Variants in EPHA8 observed in about 807,000 individuals in gnomAD.
The protein encoded by EPHA8 is ephrin type-A receptor 8.
Under a neutral mutation model 103.6 loss-of-function variants are expected in EPHA8, and 58 were observed. That is an observed-to-expected ratio of 0.56 (90% confidence interval 0.45 to 0.70). The LOEUF (loss-of-function observed/expected upper bound fraction) is 0.70. Among genes scored for constraint, EPHA8 ranks in the 30% least tolerant of loss-of-function variants. The probability of loss-of-function intolerance (pLI) is 0.00; values close to 1 mark genes in which losing one functional copy is unlikely to be tolerated. For missense variants in EPHA8, 1,304 were observed against 1,395.2 expected, an observed-to-expected ratio of 0.93 and a Z score of 1.04; for synonymous variants, 559 against 572.5, an observed-to-expected ratio of 0.98 and a Z score of 0.34.
rs147939357 is a variant in EPHA8 at position 22,601,341 on chromosome 1, G to T, written c.2771G>T (p.Arg924Leu). ...PAFVRSCFDL[R>L]GGSGGGGGLT... ...TTCGTCCGGAGCTGCTTTGACCTCC[G>T]AGGGGGCAGCGGTGGCGGTGGGGGC... Residue 924 changes from arginine to leucine, a missense_variant, in exon 16 of 17, where the codon CGA becomes CTA. Coordinates refer to ENST00000166244, the MANE Select transcript of EPHA8 (RefSeq NM_020526.5). 2 of 1,607,430 alleles carry T rather than the reference G, an allele frequency of 1.2e-6. No homozygotes were observed. Among genetic ancestry groups the T allele is most frequent in the Non-Finnish European group, 1.7e-6 (2 of 1,178,382 alleles).
At position 22,569,888 on chromosome 1, in the gene EPHA8, G is replaced by A. The variant is rs371681800; in HGVS notation, c.159+535G>A. Among the ~76,000 whole-genome samples the A allele has an allele frequency of 8.5e-5, 13 of 152,268 alleles. No homozygotes were observed. Among genetic ancestry groups the A allele is most frequent in the African/African-American group, 3.1e-4 (13 of 41,558 alleles). On this transcript the variant is annotated intron_variant, in intron 2 of 16. Transcript: ENST00000166244. The surrounding 1 kb of genome is among the most constrained non-coding windows in gnomAD (Gnocchi z 4.5). ...TGCAGTGAGCAGGCTGCACTGCCCCGTCCCTCTGCTTCTCTTCTCTGAATC... is the reference window on the plus strand; with the variant it reads ...TGCAGTGAGCAGGCTGCACTGCCCCATCCCTCTGCTTCTCTTCTCTGAATC...
rs1375118699 is a variant in EPHA8, at chr1:22,576,131, C to A, written c.160-86C>A. On this transcript the variant is annotated intron_variant, in intron 2 of 16. Coordinates refer to ENST00000166244, the MANE Select transcript of EPHA8 (RefSeq NM_020526.5). The surrounding 1 kb of genome is among the most constrained non-coding windows in gnomAD (Gnocchi z 4.8). ...GCTCCTTTGTCTTTTTTTTTGCCAGCGTCCCCAGCACAGAACACAGGGTCA... is the reference window on the plus strand; with the variant it reads ...GCTCCTTTGTCTTTTTTTTTGCCAGAGTCCCCAGCACAGAACACAGGGTCA... The A allele has an allele frequency of 4.8e-6, 7 of 1,449,856 alleles. No individual in the cohort carries two copies. Among genetic ancestry groups the A allele is most frequent in the Admixed American group, 2.3e-5 (1 of 43,602 alleles). The allele number at this position is 1,449,856 out of a possible 1,614,324, so 89.8% of individuals were successfully genotyped here.
At chr1:22,575,461 G>A (rs1427950156) in intron 2 of EPHA8, among the ~76,000 whole-genome samples, 1 of 152,150 alleles carries the variant, frequency 6.6e-6, no homozygotes, top group Non-Finnish European at 1.5e-5. Flanking sequence ...TTGTCGAGTT[G>A]TGGGAATTCT....
Position 22,576,463 on chromosome 1 carries a change from A to G in EPHA8, c.406A>G (p.Ser136Gly). ...GGAGTCGGACCGCGACCTGGGGGCC[A>G]GCACACAAGAAAGCCAGTTCCTCAA... ...YLESDRDLGA[S>G]TQESQFLKID... Residue 136 changes from serine (S) to glycine (G), a missense_variant, in exon 3 of 17, where the codon AGC (serine) becomes GGC (glycine). Physicochemically the swap from Ser to Gly is moderately conservative, Grantham distance 56 (BLOSUM62 0). Coordinates refer to ENST00000166244, the MANE Select transcript of EPHA8 (RefSeq NM_020526.5). This position sits in a 1 kb window ranked among gnomAD's most constrained non-coding sequence, Gnocchi z 4.8. The G allele has an allele frequency of 3.1e-6, 5 of 1,614,100 alleles. No individual in the cohort carries two copies. Among genetic ancestry groups the G allele is most frequent in the East Asian group, 2.2e-5 (1 of 44,878 alleles).
chr1:22,578,499 T>C (rs1479239879), intron 3 of EPHA8, among the ~76,000 whole-genome samples: 2 of 146,894 alleles, frequency 1.4e-5, no homozygotes, highest in East Asian at 2.1e-4. Flanking sequence ...CATGTGTGCA[T>C]GAGTGCATTA....
chr1:22,583,488 C>T (rs1351618233), intron 3 of EPHA8, among the ~76,000 whole-genome samples: 1 of 152,188 alleles, frequency 6.6e-6, no homozygotes, highest in Non-Finnish European at 1.5e-5. Flanking sequence ...GCTCCCCCGC[C>T]TGACTGCACA....
At chr1:22,573,352 T>G (rs1240685537) in intron 2 of EPHA8, among the ~76,000 whole-genome samples, 2 of 152,176 alleles carry the variant, frequency 1.3e-5, no homozygotes, top group Non-Finnish European at 2.9e-5. Context: ...ATTTTCCCAT[T>G]GCATCCTCTC....
Position 22,598,304 on chromosome 1 carries a change from C to A in EPHA8, c.2178+92C>A. 7.5e-7 allele frequency: 1 copy of A among 1,333,818 alleles called. No homozygotes were observed. The highest frequency in any genetic ancestry group is 1.3e-5 in the South Asian group (1 of 79,014). 82.6% of individuals were successfully genotyped at this position (1,333,818 alleles called of 1,614,324 possible). A position where few individuals can be genotyped will look rare whatever the true frequency, so the allele number is the denominator to read the frequency against. ...TAGTGCAAAGCCCTCTAAGCCCCCT[C>A]CCTGGCTTGGACACCACAGGCCGGG... On this transcript the variant is annotated intron_variant, in intron 12 of 16. Coordinates refer to ENST00000166244, the MANE Select transcript of EPHA8 (RefSeq NM_020526.5). This position sits in a 1 kb window ranked among gnomAD's most constrained non-coding sequence, Gnocchi z 5.1.
At chr1:22,580,206 C>T (rs1488538538) in intron 3 of EPHA8, among the ~76,000 whole-genome samples, 1 of 133,810 alleles carries the variant, frequency 7.5e-6, no homozygotes, top group Non-Finnish European at 1.5e-5. Context: ...ATGGGGTGAT[C>T]TCAGCTCTCT....
Position 22,576,250 on chromosome 1 carries a change from C to T in EPHA8, c.193C>T (p.Gln65Ter), listed in dbSNP as rs766378509. 1.2e-6 allele frequency: 2 copies of T among 1,612,824 alleles called. No individual in the cohort carries two copies. The highest frequency in any genetic ancestry group is 1.1e-5 in the South Asian group (1 of 90,960). The change falls in exon 3 of 17, where the codon CAG (glutamine) becomes TAG (stop). Residue 65 changes from glutamine to a stop codon, truncating the protein, a stop_gained. Coordinates refer to ENST00000166244, the MANE Select transcript of EPHA8 (RefSeq NM_020526.5). LOFTEE classifies it high-confidence loss of function. This position sits in a 1 kb window ranked among gnomAD's most constrained non-coding sequence, Gnocchi z 4.8. ...DSINEVDESFQPIHTYQVCNV... is the reference protein window; with the variant it reads ...DSINEVDESF ...CATCAACGAGGTGGACGAGTCCTTC[C>T]AGCCCATCCACACGTACCAGGTTTG...
chr1:22,593,649 C>A lies in EPHA8; in HGVS notation c.1566C>A (p.Arg522=), dbSNP rs1230783117. Reference sequence around the variant, plus strand: ...CCCGCACCTCAGCAGGCTGTGGCCGCTTCAGCCAGGCCATGGAGGTGGAGA... The same window carrying A: ...CCCGCACCTCAGCAGGCTGTGGCCGATTCAGCCAGGCCATGGAGGTGGAGA... The part of the protein sequence containing the change: ...VRARTSAGCG[R]FSQAMEVETG... Residue 522 remains arginine (R), a synonymous_variant, in exon 7 of 17, where the codon CGC becomes CGA. Transcript: ENST00000166244. The A allele has an allele frequency of 6.2e-7, 1 of 1,605,794 alleles. No homozygotes were observed. Among genetic ancestry groups the A allele is most frequent in the African/African-American group, 1.3e-5 (1 of 74,926 alleles).
rs752004869 is a variant in EPHA8 at position 22,600,823 on chromosome 1, C to T, written c.2538+13C>T. ...GACCAACCGGGATGTGAGTGCCAAG[C>T]CCTGGCAGGTCCGCGGGCGGTGGAG... On this transcript the variant is annotated intron_variant, in intron 14 of 16. Coordinates refer to ENST00000166244, the MANE Select transcript of EPHA8 (RefSeq NM_020526.5). The T allele has an allele frequency of 4.4e-6, 7 of 1,597,814 alleles. No homozygotes were observed. Among genetic ancestry groups the T allele is most frequent in the Non-Finnish European group, 6.0e-6 (7 of 1,170,466 alleles).
At chr1:22,573,755 C>T (rs777609659) in intron 2 of EPHA8, among the ~76,000 whole-genome samples, 1 of 152,172 alleles carries the variant, frequency 6.6e-6, no homozygotes, top group East Asian at 1.9e-4. Flanking sequence ...GCTCAGCAGC[C>T]GAGGAAGCTA....
chr1:22,584,729 G>A (rs551208427), intron 3 of EPHA8, among the ~76,000 whole-genome samples: 7 of 152,214 alleles, frequency 4.6e-5, no homozygotes, highest in Non-Finnish European at 8.8e-5. Context: ...TGCCTGGCTG[G>A]GTGGCATTTG....
At chr1:22,579,155 G>C (rs1266726719) in intron 3 of EPHA8, among the ~76,000 whole-genome samples, 1 of 150,710 alleles carries the variant, frequency 6.6e-6, no homozygotes, top group Non-Finnish European at 1.5e-5. Context: ...ATGTGCAAGA[G>C]TGTATGTATG....
In EPHA8 at chr1:22,589,041, C is replaced by T. The variant is rs1172302228; in HGVS notation, c.1150C>T (p.Arg384Cys). ...CTGCGAGGCATGTGGGAGCGGCACC[C>T]GCTTTGTGCCCCAGCAGACAAGCCT... ...SRCEACGSGT[R>C]FVPQQTSLVQ... Residue 384 changes from arginine (R) to cysteine (C), a missense_variant, in exon 5 of 17, where the codon CGC becomes TGC. By Grantham distance (180) the Arg-to-Cys change is radical. Coordinates refer to ENST00000166244, the MANE Select transcript of EPHA8 (RefSeq NM_020526.5). This position sits in a 1 kb window ranked among gnomAD's most constrained non-coding sequence, Gnocchi z 4.3. 10 of 1,612,378 alleles carry T rather than the reference C, an allele frequency of 6.2e-6. No homozygotes were observed. Among genetic ancestry groups the T allele is most frequent in the Admixed American group, 3.3e-5 (2 of 59,868 alleles).
intron 9 of EPHA8, 77 bp downstream of exon 9, chr1:22,596,250 G>A: frequency 7.0e-7 from 1 of 1,432,610 alleles, no homozygotes; most frequent in Non-Finnish European, 9.7e-7. Flanking sequence ...GGGTGGCACA[G>A]ATGGGAAGGA....
At chr1:22,590,444 C>T (rs1479826676) in intron 5 of EPHA8, among the ~76,000 whole-genome samples, 4 of 152,192 alleles carry the variant, frequency 2.6e-5, no homozygotes, top group Non-Finnish European at 5.9e-5. Flanking sequence ...CTCTCCTCTG[C>T]GGGACTTCTC....
Position 22,593,359 on chromosome 1 carries a change from G to C in EPHA8, c.1349G>C (p.Arg450Pro). 6.3e-7 allele frequency: 1 copy of C among 1,583,946 alleles called. No individual in the cohort carries two copies. Among genetic ancestry groups the C allele is most frequent in the Non-Finnish European group, 8.6e-7 (1 of 1,165,226 alleles). The change falls in exon 6 of 17, where the codon CGG becomes CCG. Residue 450 changes from arginine (R) to proline (P), a missense_variant. Coordinates refer to ENST00000166244, the MANE Select transcript of EPHA8 (RefSeq NM_020526.5). ...CAGGTGGTGGTGATCCGTCAAGAGC[G>C]GGCGGGGCAGACCAGCGTCTCGCTG... ...PSQVVVIRQE[R>P]AGQTSVSLLW...
Sources: gnomAD v4.1 joint callset for allele counts (sites outside exome capture counted in the v4.1 genomes callset) on GRCh38, gnomAD v4.1.1 for gene constraint, Gnocchi (gnomAD v3.1) non-coding constraint, MANE v1.5 for transcripts, NCBI Gene and HGNC (gene_info 2026-07-23, HGNC 2026-07-21) for gene names.